Variants in ERBB4 observed in about 807,000 individuals in gnomAD.
The protein encoded by ERBB4 is receptor tyrosine-protein kinase erbB-4.
ERBB4 carries 42 observed loss-of-function variants against 158.0 expected under a neutral mutation model. The observed-to-expected ratio is 0.27, with a 90% confidence interval of 0.21 to 0.34. ERBB4 has a LOEUF of 0.34. Ranked by LOEUF, ERBB4 falls within the 10% of genes least tolerant of loss-of-function variation. The pLI is 1.00. For missense variants in ERBB4, 1,333 were observed against 1,624.1 expected (o/e 0.82, Z 3.08); for synonymous variants, 583 against 558.7 (o/e 1.04, Z -0.61).
In ERBB4 at chr2:211,679,100, C is replaced by G. The variant is rs770003740; in HGVS notation, c.1574G>C (p.Arg525Pro). The G allele has an allele frequency of 6.2e-7, 1 of 1,613,386 alleles. No homozygotes were observed. Among genetic ancestry groups the G allele is most frequent in the Non-Finnish European group, 8.5e-7 (1 of 1,179,742 alleles). ...TATGCAGATCCTTCCTCTACTGAAG[C>G]GGCGACACGACAGACATTGGTCTGG... ...PGPDQCLSCR[R>P]FSRGRICIES... The change falls in exon 13 of 28, where the codon CGC becomes CCC. Residue 525 changes from arginine to proline, a missense_variant. Arg to Pro is a moderately radical substitution (Grantham distance 103, BLOSUM62 -2). Around this residue, in one of 5 missense-constraint regions of ERBB4, gnomAD observed 245 missense variants for 247.5 expected, o/e 0.99. Transcript: ENST00000342788.
At chr2:211,570,309 A>G (rs1204817832) in intron 19 of ERBB4, among the ~76,000 whole-genome samples, 3 of 139,814 alleles carry the variant, frequency 2.1e-5, no homozygotes, top group Admixed American at 7.5e-5. Flanking sequence ...CCGCCACCAC[A>G]CTTGGCTAAT....
intron 3 of ERBB4, among the ~76,000 whole-genome samples, chr2:211,920,526 C>T (rs1485543999): frequency 6.6e-6 from 1 of 151,858 alleles, no homozygotes; most frequent in Non-Finnish European, 1.5e-5. Flanking sequence ...TTTAAAACCT[C>T]CAACATTAAC....
intron 20 of ERBB4, among the ~76,000 whole-genome samples, chr2:211,555,061 T>C (rs1253958388): frequency 6.6e-6 from 1 of 152,218 alleles, no homozygotes; most frequent in African/African-American, 2.4e-5. Flanking sequence ...CATATGGTAT[T>C]ATATGAGCAT....
intron 1 of ERBB4, among the ~76,000 whole-genome samples, chr2:212,456,767 AC>A (rs1265728496): frequency 6.6e-6 from 1 of 152,002 alleles, no homozygotes; most frequent in Non-Finnish European, 1.5e-5. Flanking sequence ...ATATATAAAA[AC>A]AACATATATC....
chr2:211,934,296 T>C (rs1446068165), intron 3 of ERBB4, among the ~76,000 whole-genome samples: 2 of 151,986 alleles, frequency 1.3e-5, no homozygotes, highest in Non-Finnish European at 2.9e-5. Context: ...AGCCTGTCCA[T>C]TTATACTTGG....
At chr2:212,429,559 T>G (rs944000421) in intron 1 of ERBB4, among the ~76,000 whole-genome samples, 3 of 152,230 alleles carry the variant, frequency 2.0e-5, no homozygotes, top group African/African-American at 7.2e-5. Context: ...TTTACTAAGT[T>G]CTTATGCCCA....
intron 1 of ERBB4, among the ~76,000 whole-genome samples, chr2:212,137,633 A>T (rs769472452): frequency 6.6e-6 from 1 of 152,216 alleles, no homozygotes; most frequent in Non-Finnish European, 1.5e-5. Context: ...TGCAGTGAAC[A>T]TACACGTGCA....
intron 2 of ERBB4, among the ~76,000 whole-genome samples, chr2:211,993,215 C>T (rs902026883): frequency 5.3e-5 from 8 of 152,170 alleles, no homozygotes; most frequent in African/African-American, 1.9e-4. Context: ...TAAATGAAAT[C>T]CTAGGGGTGA....
intron 1 of ERBB4, among the ~76,000 whole-genome samples, chr2:212,457,360 C>G (rs1010684907): frequency 6.6e-6 from 1 of 150,914 alleles, no homozygotes; most frequent in Non-Finnish European, 1.5e-5. Flanking sequence ...CTTTATCCAA[C>G]CATCTACACT....
intron 3 of ERBB4, among the ~76,000 whole-genome samples, chr2:211,884,797 T>C (rs72933727): frequency 0.067 from 10,278 of 152,288 alleles, 487 homozygotes; most frequent in Non-Finnish European, 0.093. Flanking sequence ...ATTTTCCAAT[T>C]GGGTTAAGTT....
At chr2:212,273,235 G>A (rs1261429948) in intron 1 of ERBB4, among the ~76,000 whole-genome samples, 1 of 151,716 alleles carries the variant, frequency 6.6e-6, no homozygotes, top group Non-Finnish European at 1.5e-5. Context: ...ACATGCAAGA[G>A]TTTCATGTGA....
intron 20 of ERBB4, among the ~76,000 whole-genome samples, chr2:211,555,421 G>T (rs961770486): frequency 1.5e-4 from 23 of 152,288 alleles, no homozygotes; most frequent in Admixed American, 3.9e-4. Context: ...CTGACCTCAG[G>T]TGATCCATCC....
intron 1 of ERBB4, among the ~76,000 whole-genome samples, chr2:212,233,671 TAA>T (rs1410930515): frequency 2.6e-5 from 4 of 152,130 alleles, no homozygotes; most frequent in African/African-American, 9.6e-5. Context: ...GTAATTCACA[TAA>T]GAGAATCTCA....
chr2:211,586,228 C>T (rs1034331512), intron 19 of ERBB4, among the ~76,000 whole-genome samples: 2 of 152,076 alleles, frequency 1.3e-5, no homozygotes, highest in Non-Finnish European at 2.9e-5. Context: ...ATCACCATAA[C>T]ACACCAAAAA....
rs1024245860 is a variant in ERBB4 at position 211,431,075 on chromosome 2, C to T, written c.2513G>A (p.Arg838Gln). The change falls in exon 21 of 28, where the codon CGA (arginine) becomes CAA (glutamine). Residue 838 changes from arginine to glutamine, a missense_variant. Arg to Gln is a conservative substitution (Grantham distance 43). Transcript: ENST00000342788. ...GGCTGCCAAATCCCGATGAACGAGT[C>T]GTCTTTCTTCCAGGTACATCATTCC... ...AKGMMYLEER[R>Q]LVHRDLAARN... 1.4e-5 allele frequency: 23 copies of T among 1,613,646 alleles called. No homozygotes were observed. The highest frequency in any genetic ancestry group is 4.0e-5 in the African/African-American group (3 of 74,868).
At chr2:211,957,359 G>A (rs2081062879) in intron 2 of ERBB4, among the ~76,000 whole-genome samples, 1 of 152,050 alleles carries the variant, frequency 6.6e-6, no homozygotes, top group African/African-American at 2.4e-5. Flanking sequence ...ACAAGCCAAG[G>A]AGAGAGATCT....
At chr2:211,889,323 C>A (rs1038504409) in intron 3 of ERBB4, among the ~76,000 whole-genome samples, 5 of 145,538 alleles carry the variant, frequency 3.4e-5, no homozygotes, top group African/African-American at 1.1e-4. Context: ...TTCCAACAGA[C>A]CTGCAGCTGA....
chr2:211,852,561 A>T (rs1164069966), intron 3 of ERBB4, among the ~76,000 whole-genome samples: 1 of 151,788 alleles, frequency 6.6e-6, no homozygotes, highest in African/African-American at 2.4e-5. Flanking sequence ...TTTGTTCAAC[A>T]TCATTCCCCT....
intron 3 of ERBB4, among the ~76,000 whole-genome samples, chr2:211,941,509 A>T (rs1474262775): frequency 6.6e-6 from 1 of 152,076 alleles, no homozygotes; most frequent in Admixed American, 6.6e-5. Context: ...CCAATAAAGG[A>T]TGAAACATGA....
Sources: allele counts gnomAD v4.1 joint callset (sites outside exome capture counted in the v4.1 genomes callset), GRCh38; gene constraint gnomAD v4.1.1; regional missense constraint gnomAD v4.1.1; transcripts MANE v1.5; gene names NCBI Gene and HGNC (gene_info 2026-07-23, HGNC 2026-07-21).